The following RIMS2 variants were observed in gnomAD, a reference collection of about 807,000 sequenced individuals.
The protein encoded by RIMS2 is regulating synaptic membrane exocytosis 2, also known as regulating synaptic membrane exocytosis protein 2.
RIMS2 carries 59 observed loss-of-function variants against 174.4 expected under a neutral mutation model. That is an observed-to-expected ratio of 0.34 (90% CI 0.27 to 0.42). The LOEUF is 0.42. RIMS2 is among the 10% of genes least tolerant of loss of function. The probability of loss-of-function intolerance (pLI) is 1.00; values close to 1 mark genes in which losing one functional copy is unlikely to be tolerated. For synonymous variants in RIMS2, 606 were observed against 572.5 expected (o/e 1.06, Z -0.84); for missense variants, 1,620 against 1,666.3 (o/e 0.97, Z 0.48).
At chr8:104,090,349 TTAA>T (rs999438901) in intron 19 of RIMS2, among the ~76,000 whole-genome samples, 2 of 151,576 alleles carry the variant, frequency 1.3e-5, no homozygotes, top group Admixed American at 1.3e-4. Flanking sequence ...ACTAAACAAA[TTAA>T]AGCCTTTATG....
chr8:103,793,147 C>T (rs1187758040), intron 3 of RIMS2, among the ~76,000 whole-genome samples: 7 of 152,150 alleles, frequency 4.6e-5, no homozygotes, highest in African/African-American at 7.2e-5. Context: ...AATTTTAGAC[C>T]AATATCCCTG....
intron 1 of RIMS2, among the ~76,000 whole-genome samples, chr8:103,603,005 T>A (rs1038802021): frequency 2.6e-5 from 4 of 152,166 alleles, no homozygotes; most frequent in Non-Finnish European, 5.9e-5. Context: ...ATTTTTTATT[T>A]TTTTATTATA....
At chr8:104,078,862 G>A (rs2097351428) in intron 19 of RIMS2, among the ~76,000 whole-genome samples, 1 of 151,898 alleles carries the variant, frequency 6.6e-6, no homozygotes, top group East Asian at 1.9e-4. Context: ...AAAATATTTT[G>A]GTTTTGTGTT....
At chr8:104,141,961 T>C (rs1461779978) in intron 19 of RIMS2, among the ~76,000 whole-genome samples, 1 of 152,326 alleles carries the variant, frequency 6.6e-6, no homozygotes, top group East Asian at 1.9e-4. Context: ...TTTATATGTT[T>C]ACTGTCTTTC....
chr8:103,798,002 T>G (rs1338730329), intron 3 of RIMS2, among the ~76,000 whole-genome samples: 1 of 152,198 alleles, frequency 6.6e-6, no homozygotes, highest in African/African-American at 2.4e-5. Context: ...GCTCATATAC[T>G]GTGCTGCCCA....
At chr8:103,731,093 C>T (rs1222436365) in intron 2 of RIMS2, among the ~76,000 whole-genome samples, 1 of 152,074 alleles carries the variant, frequency 6.6e-6, no homozygotes, top group African/African-American at 2.4e-5. Flanking sequence ...ATGAGGTCAG[C>T]ATGGGAAAGA....
chr8:103,866,930 G>A (rs923207658), intron 3 of RIMS2, among the ~76,000 whole-genome samples: 2 of 151,744 alleles, frequency 1.3e-5, no homozygotes, highest in African/African-American at 4.8e-5. Context: ...GGTTCATATA[G>A]GATGAATATC....
At chr8:104,130,111 C>T (rs1566585489) in intron 19 of RIMS2, among the ~76,000 whole-genome samples, 1 of 152,106 alleles carries the variant, frequency 6.6e-6, no homozygotes, top group Admixed American at 6.6e-5. Flanking sequence ...TTAAGTGCCA[C>T]GTATCAGGTA....
intron 2 of RIMS2, among the ~76,000 whole-genome samples, chr8:103,738,880 C>G (rs1283350469): frequency 6.6e-6 from 1 of 151,798 alleles, no homozygotes; most frequent in Non-Finnish European, 1.5e-5. Flanking sequence ...CAGGAAACAA[C>G]AGGTGCTGGA....
At chr8:103,734,213 A>G (rs1047262683) in intron 2 of RIMS2, among the ~76,000 whole-genome samples, 3 of 149,450 alleles carry the variant, frequency 2.0e-5, no homozygotes, top group Non-Finnish European at 3.0e-5. Context: ...GGGTTTCACC[A>G]TGTTGGCCAG....
chr8:103,773,950 T>C (rs1240304467), intron 3 of RIMS2, among the ~76,000 whole-genome samples: 2 of 152,098 alleles, frequency 1.3e-5, no homozygotes, highest in African/African-American at 4.8e-5. Context: ...GAGACTAGCT[T>C]GGCCAATATG....
At chr8:103,766,928 A>G (rs1268066313) in intron 3 of RIMS2, among the ~76,000 whole-genome samples, 2 of 152,184 alleles carry the variant, frequency 1.3e-5, no homozygotes, top group Non-Finnish European at 2.9e-5. Flanking sequence ...AGGGAAGGTT[A>G]ACAATATCTC....
At chr8:103,608,758 G>A (rs2095251750) in intron 1 of RIMS2, among the ~76,000 whole-genome samples, 1 of 152,116 alleles carries the variant, frequency 6.6e-6, no homozygotes, top group Admixed American at 6.5e-5. Context: ...GATTTTCCAG[G>A]TGCCGTCCGT....
intron 1 of RIMS2, among the ~76,000 whole-genome samples, chr8:103,622,088 A>C (rs991428056): frequency 5.9e-5 from 9 of 152,308 alleles, no homozygotes; most frequent in Admixed American, 5.2e-4. Flanking sequence ...CATTTCTAAC[A>C]ATATAAAAAT....
chr8:103,961,111 T>A, exon 15 of RIMS2: 1 of 1,497,204 alleles, frequency 6.7e-7, no homozygotes, highest in Non-Finnish European at 9.3e-7. Context: ...ATGACTGTGA[T>A]GATGGAATTG....
chr8:103,787,859 A>C (rs369105568), intron 3 of RIMS2, among the ~76,000 whole-genome samples: 1 of 152,074 alleles, frequency 6.6e-6, no homozygotes, highest in South Asian at 2.1e-4. Flanking sequence ...AATATCCTGC[A>C]GAGTGTTTTC....
intron 1 of RIMS2, among the ~76,000 whole-genome samples, chr8:103,519,133 G>T (rs532413098): frequency 6.6e-6 from 1 of 152,016 alleles, no homozygotes; most frequent in Non-Finnish European, 1.5e-5. Context: ...GGGTAAAGGG[G>T]ACCCTTTCAT....
intron 1 of RIMS2, among the ~76,000 whole-genome samples, chr8:103,661,658 C>T (rs2096602191): frequency 6.6e-6 from 1 of 152,164 alleles, no homozygotes; most frequent in African/African-American, 2.4e-5. Flanking sequence ...CACACGCCGC[C>T]ACCCCTGGCT....
intron 15 of RIMS2, among the ~76,000 whole-genome samples, chr8:103,962,527 A>G (rs2154545785): frequency 6.6e-6 from 1 of 152,334 alleles, no homozygotes; most frequent in East Asian, 1.9e-4. Flanking sequence ...AAAGACTGCC[A>G]TGAAATATAC....
Sources: allele counts gnomAD v4.1 joint callset (sites outside exome capture counted in the v4.1 genomes callset), GRCh38; gene constraint gnomAD v4.1.1; transcripts MANE v1.5; gene names NCBI Gene and HGNC (gene_info 2026-07-23, HGNC 2026-07-21).